SEM1: variants seen among roughly 807,000 people sequenced by gnomAD.
The protein encoded by SEM1 is SEM1 26S proteasome subunit, also known as 26S proteasome complex subunit SEM1.
Under a neutral mutation model 12.7 loss-of-function variants are expected in SEM1, and 3 were observed. That is an observed-to-expected ratio of 0.24 (90% CI 0.11 to 0.61). The LOEUF is 0.61. SEM1 is among the 20% of genes least tolerant of loss of function. The pLI, the probability that SEM1 is intolerant of heterozygous loss-of-function variation, is 0.88. For synonymous variants in SEM1, 30 were observed against 27.8 expected (o/e 1.08, Z -0.25); for missense variants, 59 against 81.3 (o/e 0.73, Z 1.06).
At chr7:96,495,825 G>A (rs1803220141) in intron 1 of SEM1, among the ~76,000 whole-genome samples, 1 of 152,102 alleles carries the variant, frequency 6.6e-6, no homozygotes, top group African/African-American at 2.4e-5. Context: ...GCAGATGAAG[G>A]TCTTGTTTGA....
chr7:96,511,042 G>A (rs1367689336), intron 2 of SEM1, among the ~76,000 whole-genome samples: 1 of 152,090 alleles, frequency 6.6e-6, no homozygotes, highest in Admixed American at 6.6e-5. Context: ...TGTAGGCTGA[G>A]GAAGGCTGAC....
intron 3 of SEM1, chr7:96,484,068 C>T (rs1802654665): frequency 7.7e-7 from 1 of 1,291,256 alleles, no homozygotes; most frequent in Non-Finnish European, 1.0e-6. Context: ...TCAATCTTCA[C>T]AACAACCCTA....
chr7:96,484,685 C>T (rs1188001857), intron 3 of SEM1: 3 of 382,124 alleles, frequency 7.9e-6, no homozygotes, highest in Admixed American at 7.1e-5. Context: ...AGTTATTCCA[C>T]TCACTTACCA....
intron 2 of SEM1, among the ~76,000 whole-genome samples, chr7:96,574,877 G>C (rs1028842297): frequency 9.2e-5 from 14 of 152,050 alleles, no homozygotes; most frequent in African/African-American, 3.1e-4. Flanking sequence ...CTTTTTTCAA[G>C]GTTCTTAGCT....
At chr7:96,547,467 T>C (rs1390571304) in intron 2 of SEM1, among the ~76,000 whole-genome samples, 2 of 152,178 alleles carry the variant, frequency 1.3e-5, no homozygotes, top group Admixed American at 6.5e-5. Flanking sequence ...AAGTGGCATA[T>C]GTTTTCCTGG....
At chr7:96,661,414 G>A (rs1348111822) in intron 2 of SEM1, among the ~76,000 whole-genome samples, 1 of 152,054 alleles carries the variant, frequency 6.6e-6, no homozygotes, top group Non-Finnish European at 1.5e-5. Context: ...TTGCTTCCAG[G>A]AATTCAACAA....
At chr7:96,498,191 A>C (rs961503908), upstream of SEM1, among the ~76,000 whole-genome samples, 1 of 152,218 alleles carries the variant, frequency 6.6e-6, no homozygotes, top group Non-Finnish European at 1.5e-5. Context: ...ACTTGAAACC[A>C]CATGGCCCGC....
intron 2 of SEM1, among the ~76,000 whole-genome samples, chr7:96,601,493 G>A (rs1807199317): frequency 6.6e-6 from 1 of 152,032 alleles, no homozygotes; most frequent in African/African-American, 2.4e-5. Context: ...TGAGGGAATG[G>A]CCAGTGCCCA....
chr7:96,700,821 T>G (rs1250856837), intron 1 of SEM1, among the ~76,000 whole-genome samples: 2 of 152,184 alleles, frequency 1.3e-5, no homozygotes, highest in Non-Finnish European at 2.9e-5. Context: ...TCACTATCCC[T>G]TCCCAAGCAC....
At chr7:96,630,038 C>T (rs1014676097) in intron 2 of SEM1, among the ~76,000 whole-genome samples, 1 of 152,246 alleles carries the variant, frequency 6.6e-6, no homozygotes, top group African/African-American at 2.4e-5. Context: ...GACCCAAGCA[C>T]CCTTGTGGCC....
At chr7:96,488,006 T>G (rs1802840725) in intron 1 of SEM1, among the ~76,000 whole-genome samples, 1 of 140,558 alleles carries the variant, frequency 7.1e-6, no homozygotes, top group Non-Finnish European at 1.5e-5. Context: ...ACATTTCTTC[T>G]TGTAAGAAGA....
At chr7:96,575,079 G>GTT (rs1806162735) in intron 2 of SEM1, among the ~76,000 whole-genome samples, 1 of 152,144 alleles carries the variant, frequency 6.6e-6, no homozygotes, top group Admixed American at 6.6e-5. Context: ...TTTTGCACTG[G>GTT]TTTTTCCTCA....
intron 2 of SEM1, among the ~76,000 whole-genome samples, chr7:96,526,460 C>G (rs1804467143): frequency 6.6e-6 from 1 of 151,964 alleles, no homozygotes; most frequent in Non-Finnish European, 1.5e-5. Flanking sequence ...GGCATAGAAA[C>G]AAGTCAGGAA....
intron 2 of SEM1, among the ~76,000 whole-genome samples, chr7:96,520,046 T>C (rs1325104734): frequency 1.3e-5 from 2 of 152,074 alleles, no homozygotes; most frequent in Non-Finnish European, 2.9e-5. Context: ...AATATTTTGA[T>C]GGATTGCAAG....
At chr7:96,507,799 A>G (rs1483356657) in intron 2 of SEM1, among the ~76,000 whole-genome samples, 1 of 152,096 alleles carries the variant, frequency 6.6e-6, no homozygotes, top group African/African-American at 2.4e-5. Context: ...AAGATCTCTG[A>G]TTCTCAAGGA....
At chr7:96,507,103 T>C (rs1803778052) in intron 2 of SEM1, among the ~76,000 whole-genome samples, 1 of 152,118 alleles carries the variant, frequency 6.6e-6, no homozygotes, top group Non-Finnish European at 1.5e-5. Flanking sequence ...TGAAAGCCTC[T>C]GAATATATGA....
chr7:96,679,994 A>T (rs1299791528), intron 2 of SEM1, among the ~76,000 whole-genome samples: 1 of 152,138 alleles, frequency 6.6e-6, no homozygotes, highest in East Asian at 1.9e-4. Context: ...TTTCTGTGGT[A>T]GCCAGAGCCT....
chr7:96,561,133 C>T (rs1328566519), intron 2 of SEM1, among the ~76,000 whole-genome samples: 1 of 152,064 alleles, frequency 6.6e-6, no homozygotes, highest in Non-Finnish European at 1.5e-5. Context: ...ACTGCAAACC[C>T]CTCTTACCAT....
chr7:96,521,907 G>C (rs1804285341), intron 2 of SEM1, among the ~76,000 whole-genome samples: 1 of 152,080 alleles, frequency 6.6e-6, no homozygotes, highest in Non-Finnish European at 1.5e-5. Context: ...AATGTGTCCA[G>C]ATGGCCCTTA....
Sources: gnomAD v4.1 joint callset for allele counts (sites outside exome capture counted in the v4.1 genomes callset) on GRCh38, gnomAD v4.1.1 for gene constraint, MANE v1.5 for transcripts, NCBI Gene and HGNC (gene_info 2026-07-23, HGNC 2026-07-21) for gene names.